Variants in ACOX3 observed in about 807,000 individuals in gnomAD.
ACOX3 encodes acyl-CoA oxidase 3, pristanoyl.
ACOX3 carries 73 observed loss-of-function variants against 81.5 expected under a neutral mutation model. The observed-to-expected ratio is 0.90, with a 90% confidence interval of 0.74 to 1.09. The LOEUF (loss-of-function observed/expected upper bound fraction) is 1.09, where lower values mean the gene tolerates loss of function less well. ACOX3 is among the 50% of genes least tolerant of loss of function. The pLI is 0.00. For synonymous variants in ACOX3, 387 were observed against 375.1 expected, an observed-to-expected ratio of 1.03 and a Z score of -0.37; for missense variants, 947 against 928.0, an observed-to-expected ratio of 1.02 and a Z score of -0.27.
intron 16 of ACOX3, 66 bp downstream of exon 16, chr4:8,373,495 G>T: frequency 1.3e-6 from 2 of 1,534,768 alleles, no homozygotes. Flanking sequence ...ATGCTAAGGG[G>T]ATGCGTGTCG....
At chr4:8,421,354 C>T (rs1331417355) in intron 1 of ACOX3, among the ~76,000 whole-genome samples, 1 of 152,194 alleles carries the variant, frequency 6.6e-6, no homozygotes, top group Non-Finnish European at 1.5e-5. Context: ...CATTGGTCTG[C>T]CTGGAACCAG....
At chr4:8,415,059 A>G (rs1212170393) in intron 3 of ACOX3, 131 bp from the exon 4 acceptor site, 4 of 861,548 alleles carry the variant, frequency 4.6e-6, no homozygotes, top group Non-Finnish European at 7.6e-6. Context: ...ACTTTCCCCA[A>G]GGTGGAGAAC....
chr4:8,362,404 A>G (rs1306587058), downstream of ACOX3, among the ~76,000 whole-genome samples: 1 of 152,260 alleles, frequency 6.6e-6, no homozygotes, highest in Non-Finnish European at 1.5e-5. Context: ...ACTCCTGTGA[A>G]CAAAATTTGG....
rs1382453301 is a variant in ACOX3 at position 8,407,919 on chromosome 4, T to G, written c.688-1876A>C. Among the ~76,000 whole-genome samples the G allele has an allele frequency of 1.3e-5, 2 of 152,192 alleles. No homozygotes were observed. The highest frequency in any genetic ancestry group is 2.9e-5 in the Non-Finnish European group (2 of 68,032). On this transcript the variant is annotated intron_variant, in intron 6 of 17. Coordinates refer to ENST00000356406, the MANE Select transcript of ACOX3 (RefSeq NM_003501.3). The surrounding 1 kb of genome is among the most constrained non-coding windows in gnomAD (Gnocchi z 4.6). The stretch of plus-strand genomic sequence containing the variant: ...GTGTCTGGAGAGATTCTGGTTGTGT[T>G]AACTGCAGGAAGCTATGGCACAGAA...
intron 16 of ACOX3, among the ~76,000 whole-genome samples, chr4:8,371,719 C>T (rs1716226147): frequency 6.6e-6 from 1 of 152,268 alleles, no homozygotes; most frequent in Admixed American, 6.5e-5. Context: ...GGCGTGGCCA[C>T]CTGGTCCTGG....
the ACOX3 span, among the ~76,000 whole-genome samples, chr4:8,360,498 GT>G: frequency 6.8e-6 from 1 of 146,050 alleles, no homozygotes; most frequent in Non-Finnish European, 1.5e-5. Flanking sequence ...TTGAGACAGA[GT>G]TTTACTCTGT....
At chr4:8,391,379 T>C (rs1427509078) in intron 11 of ACOX3, among the ~76,000 whole-genome samples, 1 of 152,192 alleles carries the variant, frequency 6.6e-6, no homozygotes, top group Non-Finnish European at 1.5e-5. Context: ...TAGTTCTAGA[T>C]AGAGCATCAC....
At chr4:8,392,310 C>T in intron 11 of ACOX3, 23 bp downstream of exon 11, 1 of 1,524,704 alleles carries the variant, frequency 6.6e-7, no homozygotes, top group Non-Finnish European at 8.8e-7. Flanking sequence ...CAGGAAACCA[C>T]CATGCGCTTC....
rs1350991483 is a variant in ACOX3 at position 8,399,152 on chromosome 4, C to T, written c.873+404G>A. 1.3e-5 allele frequency among the ~76,000 whole-genome samples: 2 copies of T among 152,222 alleles called. No homozygotes were observed. Among genetic ancestry groups the T allele is most frequent in the Non-Finnish European group, 2.9e-5 (2 of 68,044 alleles). On this transcript the variant is annotated intron_variant, in intron 8 of 17. Transcript: ENST00000356406. The surrounding 1 kb of genome is among the most constrained non-coding windows in gnomAD (Gnocchi z 4.9). ...CCATCGCTCCCCAGGACCACGGTCT[C>T]TCTTCTGCTCTCCGTGAACTTAAGC...
intron 1 of ACOX3, among the ~76,000 whole-genome samples, chr4:8,420,612 G>A (rs575667354): frequency 9.2e-5 from 14 of 152,186 alleles, no homozygotes; most frequent in African/African-American, 2.7e-4. Context: ...CCAGGCATTC[G>A]AGCCAGATCA....
At chr4:8,397,334 A>C (rs1261239095) in intron 8 of ACOX3, among the ~76,000 whole-genome samples, 1 of 152,128 alleles carries the variant, frequency 6.6e-6, no homozygotes, top group African/African-American at 2.4e-5. Flanking sequence ...GGTGCCAGGG[A>C]GGGGACACCC....
At position 8,407,603 on chromosome 4, in the gene ACOX3, G is replaced by C. The variant is rs1721136130; in HGVS notation, c.688-1560C>G. On this transcript the variant is annotated intron_variant, in intron 6 of 17. Coordinates refer to ENST00000356406, the MANE Select transcript of ACOX3 (RefSeq NM_003501.3). The surrounding 1 kb of genome is among the most constrained non-coding windows in gnomAD (Gnocchi z 4.6). The stretch of plus-strand genomic sequence containing the variant: ...CCATGAGAGACTAACACGGGGGCCG[G>C]TGCTGCCGGGAGGACGTCGGGAATT... 6.6e-6 allele frequency among the ~76,000 whole-genome samples: 1 copy of C among 152,238 alleles called. No individual in the cohort carries two copies. The highest frequency in any genetic ancestry group is 2.4e-5 in the African/African-American group (1 of 41,462).
rs533536134 is a variant in ACOX3, at chr4:8,432,928, T to C, written c.-15+7720A>G. On this transcript the variant is annotated intron_variant, in intron 1 of 17. Transcript: ENST00000356406. The surrounding 1 kb of genome is among the most constrained non-coding windows in gnomAD (Gnocchi z 6.2). The stretch of plus-strand genomic sequence containing the variant: ...CAATTTCCCATAAATCTAATTTAAA[T>C]CAGTTCCCTAGTTGCACTAGCTGCA... Among the ~76,000 whole-genome samples the C allele has an allele frequency of 4.6e-5, 7 of 152,374 alleles. No homozygotes were observed. The highest frequency in any genetic ancestry group is 1.7e-4 in the African/African-American group (7 of 41,582).
chr4:8,400,618 A>C lies in ACOX3; in HGVS notation c.777-966T>G, dbSNP rs994676414. On this transcript the variant is annotated intron_variant, in intron 7 of 17. Transcript: ENST00000356406. The surrounding 1 kb of genome is among the most constrained non-coding windows in gnomAD (Gnocchi z 4.4). ...TTGTCTGGTCAGGAAAACCTATTAC[A>C]CAACAGTCTAGGGAATAAGGCTATG... Among the ~76,000 whole-genome samples the C allele has an allele frequency of 6.6e-6, 1 of 152,248 alleles. No individual in the cohort carries two copies. Among genetic ancestry groups the C allele is most frequent in the Non-Finnish European group, 1.5e-5 (1 of 68,048 alleles).
At chr4:8,393,068 C>T (rs560234821) in intron 10 of ACOX3, 6 of 151,186 alleles carry the variant, frequency 4.0e-5, no homozygotes, top group East Asian at 2.0e-4. Flanking sequence ...TAAGCAGGGT[C>T]GGGCGTGGTT....
At chr4:8,390,823 G>T (rs964730153) in intron 11 of ACOX3, among the ~76,000 whole-genome samples, 3 of 152,152 alleles carry the variant, frequency 2.0e-5, no homozygotes, top group Non-Finnish European at 4.4e-5. Flanking sequence ...GATTAGCCTT[G>T]TGATCACCTA....
At chr4:8,361,954 A>T (rs1014136412), downstream of ACOX3, among the ~76,000 whole-genome samples, 1 of 152,236 alleles carries the variant, frequency 6.6e-6, no homozygotes, top group Non-Finnish European at 1.5e-5. Context: ...AATGTGACTT[A>T]CTGTATGTTA....
Position 8,392,334 on chromosome 4 carries a change from G to A in ACOX3, c.1299C>T (p.Ala433=). Residue 433 remains alanine, a splice_region_variant and synonymous_variant, in exon 11 of 18, where the codon GCC becomes GCT. Transcript: ENST00000356406. The part of the protein sequence containing the change: ...REACGGHGYL[A]MNRLGVLRDD... ...ACCATGCGCTTCTCCAAAACCTACTGGCCAGATAGCCGTGTCCTCCACACG... is the reference window on the plus strand; with the variant it reads ...ACCATGCGCTTCTCCAAAACCTACTAGCCAGATAGCCGTGTCCTCCACACG... The A allele has an allele frequency of 1.3e-6, 2 of 1,571,966 alleles. No homozygotes were observed. The highest frequency in any genetic ancestry group is 3.9e-5 in the Admixed American group (2 of 51,948).
rs1199503390 is a variant in ACOX3 at position 8,368,180 on chromosome 4, C to T, written c.1984-1100G>A. Among the ~76,000 whole-genome samples the T allele has an allele frequency of 6.6e-6, 1 of 152,230 alleles. No homozygotes were observed. The highest frequency in any genetic ancestry group is 1.5e-5 in the Non-Finnish European group (1 of 68,046). Reference sequence around the variant, plus strand: ...GGATGCCCTCGCCGAGTGGCCCTTACTGGCTGATTTCTGGACCTGGGCCAC... The same window carrying T: ...GGATGCCCTCGCCGAGTGGCCCTTATTGGCTGATTTCTGGACCTGGGCCAC... On this transcript the variant is annotated intron_variant, in intron 17 of 17. Transcript: ENST00000356406. The surrounding 1 kb of genome is among the most constrained non-coding windows in gnomAD (Gnocchi z 5.9).
Sources: gnomAD v4.1 joint callset for allele counts (sites outside exome capture counted in the v4.1 genomes callset) on GRCh38, gnomAD v4.1.1 for gene constraint, Gnocchi (gnomAD v3.1) non-coding constraint, MANE v1.5 for transcripts, NCBI Gene and HGNC (gene_info 2026-07-23, HGNC 2026-07-21) for gene names.